Variants in LHPP observed in about 807,000 individuals in gnomAD.
LHPP encodes the protein phospholysine phosphohistidine inorganic pyrophosphate phosphatase.
LHPP carries 24 observed loss-of-function variants against 30.3 expected under a neutral mutation model. That is an observed-to-expected ratio of 0.79 (90% confidence interval 0.57 to 1.11). LHPP has a LOEUF of 1.11. Among genes scored for constraint, LHPP ranks in the 50% most tolerant of loss-of-function variants. The probability of loss-of-function intolerance (pLI) is 0.00; values close to 1 mark genes in which losing one functional copy is unlikely to be tolerated. For synonymous variants in LHPP, 150 were observed against 157.1 expected (o/e 0.95, Z 0.34); for missense variants, 356 against 367.2 (o/e 0.97, Z 0.25).
intron 1 of LHPP, among the ~76,000 whole-genome samples, chr10:124,482,668 G>A (rs1036989255): frequency 2.0e-5 from 3 of 151,818 alleles, no homozygotes; most frequent in African/African-American, 7.3e-5. Flanking sequence ...CCTCTAGCAC[G>A]CTCGGGTCCC....
Position 124,478,696 on chromosome 10 carries a change from G to T in LHPP, c.126-5443G>T, listed in dbSNP as rs923352077. Among the ~76,000 whole-genome samples, 2 of 152,216 alleles carry T rather than the reference G, an allele frequency of 1.3e-5. No homozygotes were observed. The highest frequency in any genetic ancestry group is 2.9e-5 in the Non-Finnish European group (2 of 68,034). ...ATCTGATGCACGGTAATTGCCCCGG[G>T]CGATGTTGTCACTCAGAGGCTCGTC... is the stretch of plus-strand genomic sequence containing the variant. On this transcript the variant is annotated intron_variant, in intron 1 of 6. Coordinates refer to ENST00000368842, the MANE Select transcript of LHPP (RefSeq NM_022126.4). This position sits in a 1 kb window ranked among gnomAD's most constrained non-coding sequence, Gnocchi z 4.7.
At chr10:124,491,511 T>C (rs182633722) in intron 3 of LHPP, among the ~76,000 whole-genome samples, 1 of 152,344 alleles carries the variant, frequency 6.6e-6, no homozygotes, top group African/African-American at 2.4e-5. Flanking sequence ...TGAAATAAGC[T>C]GCTGTCCCCC....
intron 6 of LHPP, among the ~76,000 whole-genome samples, chr10:124,577,721 T>C (rs1449188190): frequency 6.6e-6 from 1 of 151,988 alleles, no homozygotes; most frequent in African/African-American, 2.4e-5. Context: ...TGCATATGTG[T>C]GCACACATAT....
At chr10:124,495,212 C>G (rs1766194744) in intron 3 of LHPP, among the ~76,000 whole-genome samples, 1 of 152,134 alleles carries the variant, frequency 6.6e-6, no homozygotes, top group African/African-American at 2.4e-5. Flanking sequence ...TGAGCATTCA[C>G]AGCATCCCAG....
intron 6 of LHPP, among the ~76,000 whole-genome samples, chr10:124,522,975 A>G (rs901539584): frequency 2.0e-5 from 3 of 152,144 alleles, no homozygotes; most frequent in African/African-American, 7.2e-5. Flanking sequence ...TCCTGTGGAC[A>G]TGCCAGAAAC....
intron 6 of LHPP, among the ~76,000 whole-genome samples, chr10:124,543,463 C>T (rs1005877101): frequency 4.6e-5 from 7 of 152,338 alleles, no homozygotes; most frequent in East Asian, 3.9e-4. Flanking sequence ...CCTGGGAAGG[C>T]GGAGGTCTGG....
chr10:124,550,586 G>A (rs1404400736), intron 6 of LHPP, among the ~76,000 whole-genome samples: 9 of 152,222 alleles, frequency 5.9e-5, no homozygotes. Context: ...GGCGCAGTGT[G>A]TTTATGTGCA....
intron 6 of LHPP, among the ~76,000 whole-genome samples, chr10:124,564,941 A>G (rs890926543): frequency 2.6e-5 from 4 of 152,336 alleles, no homozygotes; most frequent in African/African-American, 9.6e-5. Flanking sequence ...GTTCTCACTG[A>G]TATGTGGGAG....
At chr10:124,477,715 G>A (rs1349613777) in intron 1 of LHPP, among the ~76,000 whole-genome samples, 1 of 152,208 alleles carries the variant, frequency 6.6e-6, no homozygotes, top group East Asian at 1.9e-4. Context: ...GCAGGAAAGG[G>A]CCAGTCACTG....
At chr10:124,498,199 A>G (rs1276814394) in intron 5 of LHPP, 71 bp downstream of exon 5, 1 of 1,374,270 alleles carries the variant, frequency 7.3e-7, no homozygotes, top group Admixed American at 2.1e-5. Flanking sequence ...CTTGGAATGG[A>G]TTACAGGACT....
intron 1 of LHPP, among the ~76,000 whole-genome samples, chr10:124,465,015 C>T (rs1325324899): frequency 2.6e-5 from 4 of 152,096 alleles, no homozygotes; most frequent in Non-Finnish European, 5.9e-5. Context: ...AAATCATCCT[C>T]ACAGGTGGGC....
intron 6 of LHPP, among the ~76,000 whole-genome samples, chr10:124,542,108 C>T (rs897760079): frequency 3.3e-5 from 5 of 152,142 alleles, no homozygotes; most frequent in African/African-American, 1.2e-4. Context: ...CCATGACCTT[C>T]CCACTGTGCC....
At chr10:124,525,062 G>A (rs2168212) in intron 6 of LHPP, among the ~76,000 whole-genome samples, 17,915 of 152,244 alleles carry the variant, frequency 0.12, 1,452 homozygotes, top group Non-Finnish European at 0.16. Flanking sequence ...CACAGTGGCC[G>A]CGGTGACTGG....
At chr10:124,488,131 G>A (rs1265147474) in intron 2 of LHPP, among the ~76,000 whole-genome samples, 1 of 152,130 alleles carries the variant, frequency 6.6e-6, no homozygotes, top group Non-Finnish European at 1.5e-5. Flanking sequence ...TGGGTTTCCT[G>A]CCTGCGATAG....
At chr10:124,562,594 C>T (rs187714848) in intron 6 of LHPP, among the ~76,000 whole-genome samples, 16 of 152,166 alleles carry the variant, frequency 1.1e-4, no homozygotes, top group Admixed American at 7.2e-4. Flanking sequence ...ACTAGGGTAA[C>T]GCAATTTAAA....
At chr10:124,518,598 C>G in intron 6 of LHPP, among the ~76,000 whole-genome samples, 1 of 152,340 alleles carries the variant, frequency 6.6e-6, no homozygotes, top group Middle Eastern at 3.4e-3. Context: ...GGGAGCACAG[C>G]GGTGTGGCTC....
At chr10:124,512,891 GA>G (rs1954342349) in intron 5 of LHPP, among the ~76,000 whole-genome samples, 1 of 152,096 alleles carries the variant, frequency 6.6e-6, no homozygotes, top group African/African-American at 2.4e-5. Context: ...CCCCCAGATG[GA>G]GAGCAAATTC....
At position 124,467,118 on chromosome 10, in the gene LHPP, T is replaced by TTA. The variant is rs1554876501; in HGVS notation, c.125+5131_125+5132insTA. On this transcript the variant is annotated intron_variant, in intron 1 of 6. Coordinates refer to ENST00000368842, the MANE Select transcript of LHPP (RefSeq NM_022126.4). ...CAGCCTGGGTGACAGAGTGAGACTC[T>TTA]AAAAAAAAAAACCATTGTTTTTTAA... 4.6e-4 allele frequency among the ~76,000 whole-genome samples: 29 copies of TTA among 63,530 alleles called. No homozygotes were observed. The East Asian group carries it at 0.012, about 26-fold the overall frequency. The allele number at this position is 63,530 out of a possible 152,430, so 41.7% of individuals were successfully genotyped here.
intron 6 of LHPP, among the ~76,000 whole-genome samples, chr10:124,583,272 T>C (rs557046951): frequency 3.3e-4 from 50 of 152,366 alleles, no homozygotes; most frequent in Admixed American, 3.2e-3. Context: ...AATTATATAT[T>C]CTTAGCTGTA....
Sources: allele counts gnomAD v4.1 joint callset (sites outside exome capture counted in the v4.1 genomes callset), GRCh38; gene constraint gnomAD v4.1.1; non-coding constraint Gnocchi (gnomAD v3.1); transcripts MANE v1.5; gene names NCBI Gene and HGNC (gene_info 2026-07-23, HGNC 2026-07-21).